Variants in INO80 observed in about 807,000 individuals in gnomAD.
INO80 encodes the protein chromatin-remodeling ATPase INO80.
In INO80, 20 loss-of-function variants were observed where a neutral mutation model predicts 203.4. That is an observed-to-expected ratio of 0.10 (90% CI 0.07 to 0.14). The LOEUF (loss-of-function observed/expected upper bound fraction) is 0.14. INO80 is among the 10% of genes least tolerant of loss of function. The pLI is 1.00. For synonymous variants in INO80, 726 were observed against 685.2 expected (o/e 1.06, Z -0.93); for missense variants, 1,419 against 1,914.4 (o/e 0.74, Z 4.83).
intron 24 of INO80, among the ~76,000 whole-genome samples, chr15:41,042,608 G>A (rs1230419734): frequency 6.6e-6 from 1 of 151,530 alleles, no homozygotes; most frequent in Non-Finnish European, 1.5e-5. Context: ...CGAGTAGCTG[G>A]GATTACAGGC....
At chr15:41,081,185 G>C in intron 7 of INO80, 112 bp from the exon 8 acceptor site, 1 of 679,822 alleles carries the variant, frequency 1.5e-6, no homozygotes, top group South Asian at 1.8e-5. Context: ...GTCAAGCCAA[G>C]CAAGATATAT....
intron 25 of INO80, chr15:41,023,438 G>C (rs2044325745): frequency 4.7e-6 from 2 of 425,654 alleles, no homozygotes; most frequent in Non-Finnish European, 9.4e-6. Flanking sequence ...GTCTTGAACA[G>C]CATGCATACT....
intron 24 of INO80, among the ~76,000 whole-genome samples, chr15:41,029,443 T>C (rs2044426850): frequency 6.6e-6 from 1 of 152,268 alleles, no homozygotes; most frequent in African/African-American, 2.4e-5. Context: ...ATTTGAAGAC[T>C]ATAGCTATTT....
intron 27 of INO80, among the ~76,000 whole-genome samples, chr15:41,008,462 G>C (rs2044083792): frequency 6.6e-6 from 1 of 152,058 alleles, no homozygotes; most frequent in South Asian, 2.1e-4. Flanking sequence ...AGGGTACAAA[G>C]GTTCAGTTAT....
rs1053502366 is a variant in INO80 at position 41,116,016 on chromosome 15, G to C, written c.-87C>G. On this transcript the variant is annotated 5_prime_UTR_variant, in exon 1 of 36. Coordinates refer to ENST00000648947, the MANE Select transcript of INO80 (RefSeq NM_017553.3). ...GCCGCCGCGACGGCGGCGGAGGGGGGGCGGGGTGCGGGCGGGGTCCGGAGG... is the reference window on the plus strand; with the variant it reads ...GCCGCCGCGACGGCGGCGGAGGGGGCGCGGGGTGCGGGCGGGGTCCGGAGG... 5.1e-6 allele frequency: 2 copies of C among 391,752 alleles called. No individual in the cohort carries two copies. Among genetic ancestry groups the C allele is most frequent in the Admixed American group, 8.9e-5 (2 of 22,454 alleles). 24.3% of individuals were successfully genotyped at this position (391,752 alleles called of 1,614,324 possible). A position where few individuals can be genotyped will look rare whatever the true frequency, so the allele number is the denominator to read the frequency against.
At chr15:41,106,614 C>A (rs2045884341) in intron 1 of INO80, among the ~76,000 whole-genome samples, 1 of 151,882 alleles carries the variant, frequency 6.6e-6, no homozygotes, top group African/African-American at 2.4e-5. Context: ...GGTGACAGGG[C>A]AAGACCCCTG....
intron 5 of INO80, among the ~76,000 whole-genome samples, chr15:41,087,958 C>T (rs1001665012): frequency 6.6e-6 from 1 of 152,094 alleles, no homozygotes. Flanking sequence ...TTAAACCTGA[C>T]ATATACTAAG....
chr15:41,083,935 T>C (rs898398551), intron 7 of INO80, among the ~76,000 whole-genome samples: 14 of 152,196 alleles, frequency 9.2e-5, no homozygotes, highest in Non-Finnish European at 5.9e-5. Flanking sequence ...GTAGAGGTTT[T>C]GTAGCGTGTT....
Position 41,055,254 on chromosome 15 carries a change from A to G in INO80, c.2181T>C (p.Ile727=). The G allele has an allele frequency of 6.3e-7, 1 of 1,597,082 alleles. No homozygotes were observed. The highest frequency in any genetic ancestry group is 8.6e-7 in the Non-Finnish European group (1 of 1,164,972). ...GCTCATAACAGTACTCACTCTCATCAATAGCAGATTTGTTTTCGGCATGGC... is the reference window on the plus strand; with the variant it reads ...GCTCATAACAGTACTCACTCTCATCGATAGCAGATTTGTTTTCGGCATGGC... ...IESHAENKSA[I]DENQLSRLHM... is the part of the protein sequence containing the mutation. Residue 727 remains isoleucine (I), a synonymous_variant, in exon 18 of 36, where the codon ATT becomes ATC. Transcript: ENST00000648947.
At chr15:41,102,614 G>A (rs1404618275) in intron 1 of INO80, among the ~76,000 whole-genome samples, 1 of 152,000 alleles carries the variant, frequency 6.6e-6, no homozygotes, top group African/African-American at 2.4e-5. Flanking sequence ...AGGTTACAGT[G>A]AGCCAGTATC....
At chr15:41,090,836 CT>C (rs11323254) in intron 5 of INO80, among the ~76,000 whole-genome samples, 34,240 of 145,126 alleles carry the variant, frequency 0.24, 4,025 homozygotes, top group Non-Finnish European at 0.27. Flanking sequence ...AATGATGTAT[CT>C]TTTTTTTTTT....
chr15:40,990,708 T>C (rs193247205), intron 29 of INO80, among the ~76,000 whole-genome samples: 86 of 152,290 alleles, frequency 5.6e-4, no homozygotes, highest in Non-Finnish European at 1.0e-3. Context: ...CACACGACAT[T>C]TTGGTTTCAA....
chr15:41,009,718 G>A (rs1012219554), intron 27 of INO80, among the ~76,000 whole-genome samples: 4 of 151,954 alleles, frequency 2.6e-5, no homozygotes, highest in Non-Finnish European at 1.5e-5. Context: ...CTCCCAAGTA[G>A]TTGGAACTAT....
intron 4 of INO80, among the ~76,000 whole-genome samples, chr15:41,093,264 A>C (rs1316063065): frequency 6.6e-6 from 1 of 151,910 alleles, no homozygotes; most frequent in Non-Finnish European, 1.5e-5. Flanking sequence ...GTCTCTACTA[A>C]AAATACAAAA....
chr15:41,100,424 A>G (rs890364868), intron 1 of INO80, among the ~76,000 whole-genome samples: 1 of 152,178 alleles, frequency 6.6e-6, no homozygotes, highest in Non-Finnish European at 1.5e-5. Context: ...TGTGAGTATG[A>G]AATCAAAAAC....
At chr15:41,101,517 T>C (rs2045806575) in intron 1 of INO80, among the ~76,000 whole-genome samples, 1 of 152,124 alleles carries the variant, frequency 6.6e-6, no homozygotes, top group Admixed American at 6.6e-5. Flanking sequence ...GCTGTGATAT[T>C]TGAGTCACCA....
intron 19 of INO80, among the ~76,000 whole-genome samples, chr15:41,052,324 G>T (rs867307790): frequency 6.6e-6 from 1 of 151,940 alleles, no homozygotes. Context: ...GAGAAAAAAA[G>T]ACTAAATAAA....
chr15:41,089,678 G>A (rs2045606581), intron 5 of INO80, among the ~76,000 whole-genome samples: 1 of 152,072 alleles, frequency 6.6e-6, no homozygotes, highest in African/African-American at 2.4e-5. Context: ...AGAAGGCGGA[G>A]GTGGCAGTGA....
chr15:41,052,857 C>CAAAAAAAA (rs886971015), intron 19 of INO80, among the ~76,000 whole-genome samples: 2 of 93,564 alleles, frequency 2.1e-5, no homozygotes, highest in African/African-American at 8.0e-5. Context: ...CTGGTCGCTA[C>CAAAAAAAA]AAAAAAAAAA....
Sources: allele counts gnomAD v4.1 joint callset (sites outside exome capture counted in the v4.1 genomes callset), GRCh38; gene constraint gnomAD v4.1.1; transcripts MANE v1.5; gene names NCBI Gene and HGNC (gene_info 2026-07-23, HGNC 2026-07-21).